PLPP6: variants seen among roughly 807,000 people sequenced by gnomAD.
PLPP6 encodes the protein polyisoprenoid diphosphate/phosphate phosphohydrolase PLPP6.
A neutral mutation model predicts 16.5 loss-of-function variants in PLPP6; 16 were observed. The ratio of observed to expected loss-of-function variants is 0.97; its 90% CI spans 0.66 to 1.47. The LOEUF is 1.47. PLPP6 is among the 40% of genes most tolerant of loss of function. The pLI is 0.00. For synonymous variants in PLPP6, 226 were observed against 188.1 expected (o/e 1.20, Z -1.65); for missense variants, 512 against 396.6 (o/e 1.29, Z -2.47).
In PLPP6 at chr9:4,662,564, C is replaced by T. The variant is rs747926946; in HGVS notation, c.189C>T (p.Ser63=). The change falls in exon 1 of 1, where the codon AGC becomes AGT. Residue 63 remains serine (S), a synonymous_variant. Coordinates refer to ENST00000381883, the MANE Select transcript of PLPP6 (RefSeq NM_203453.5). This position sits in a 1 kb window ranked among gnomAD's most constrained non-coding sequence, Gnocchi z 4.9. ...PTCARLRASE[S]PVHRRGSFPL... ...GCGCCCGGCTCCGTGCATCGGAGAG[C>T]CCAGTTCACCGCCGCGGCTCCTTCC... is the stretch of plus-strand genomic sequence containing the variant. 1.3e-6 allele frequency: 2 copies of T among 1,585,266 alleles called. No homozygotes were observed. Among genetic ancestry groups the T allele is most frequent in the Admixed American group, 1.7e-5 (1 of 58,246 alleles).
rs746503491 is a variant in PLPP6 at position 4,662,347 on chromosome 9, A to T, written c.-29A>T. ...CGGGAAGCCTCTGTTTGGTCCGGCCAGGTCCCGGGATCCGGGCCGCCAGCT... is the reference window on the plus strand; with the variant it reads ...CGGGAAGCCTCTGTTTGGTCCGGCCTGGTCCCGGGATCCGGGCCGCCAGCT... On this transcript the variant is annotated 5_prime_UTR_variant, in exon 1 of 1. Coordinates refer to ENST00000381883, the MANE Select transcript of PLPP6 (RefSeq NM_203453.5). This position sits in a 1 kb window ranked among gnomAD's most constrained non-coding sequence, Gnocchi z 4.9. 6.8e-7 allele frequency: 1 copy of T among 1,480,186 alleles called. No individual in the cohort carries two copies. The highest frequency in any genetic ancestry group is 8.9e-7 in the Non-Finnish European group (1 of 1,122,862). 91.7% of individuals were successfully genotyped at this position (1,480,186 alleles called of 1,614,324 possible).
At position 4,662,686 on chromosome 9, in the gene PLPP6, G is replaced by C. The variant is rs776198696; in HGVS notation, c.311G>C (p.Arg104Pro). ...CCGTCCTTCCTGGGCATCGCCCTGC[G>C]CTCCCTGCTGGCCATCGACCTGTGG... is the stretch of plus-strand genomic sequence containing the variant. ...LNPSFLGIAL[R>P]SLLAIDLWLS... The change falls in exon 1 of 1, where the codon CGC becomes CCC. Residue 104 changes from arginine to proline, a missense_variant. Coordinates refer to ENST00000381883, the MANE Select transcript of PLPP6 (RefSeq NM_203453.5). The surrounding 1 kb of genome is among the most constrained non-coding windows in gnomAD (Gnocchi z 4.9). 8 of 1,600,814 alleles carry C rather than the reference G, an allele frequency of 5.0e-6. No homozygotes were observed. Among genetic ancestry groups the C allele is most frequent in the Non-Finnish European group, 6.8e-6 (8 of 1,179,894 alleles).
In PLPP6 at chr9:4,662,681, C is replaced by T. The variant is rs1229775066; in HGVS notation, c.306C>T (p.Ala102=). ...MDLNPSFLGI[A]LRSLLAIDLW... is the part of the protein sequence containing the mutation. ...TGAACCCGTCCTTCCTGGGCATCGC[C>T]CTGCGCTCCCTGCTGGCCATCGACC... is the stretch of plus-strand genomic sequence containing the variant. The change falls in exon 1 of 1, where the codon GCC becomes GCT. Residue 102 remains alanine (A), a synonymous_variant. Coordinates refer to ENST00000381883, the MANE Select transcript of PLPP6 (RefSeq NM_203453.5). The surrounding 1 kb of genome is among the most constrained non-coding windows in gnomAD (Gnocchi z 4.9). 5 of 1,600,526 alleles carry T rather than the reference C, an allele frequency of 3.1e-6. No homozygotes were observed. The African/African-American group carries it at 5.3e-5, about 17-fold the overall frequency.
chr9:4,662,884 T>A lies in PLPP6; in HGVS notation c.509T>A (p.Leu170His). 6.2e-7 allele frequency: 1 copy of A among 1,606,864 alleles called. No individual in the cohort carries two copies. Among genetic ancestry groups the A allele is most frequent in the Non-Finnish European group, 8.5e-7 (1 of 1,179,946 alleles). ...WAGREVLMNL[L>H]FALLLDLLLV... ...GGGCGCGAGGTGCTGATGAACCTGCTCTTCGCCCTGCTGTTGGACCTGCTG... is the reference window on the plus strand; with the variant it reads ...GGGCGCGAGGTGCTGATGAACCTGCACTTCGCCCTGCTGTTGGACCTGCTG... The change falls in exon 1 of 1, where the codon CTC becomes CAC. Residue 170 changes from leucine to histidine, a missense_variant. Leu to His is a moderately conservative substitution (Grantham distance 99, BLOSUM62 -3). Coordinates refer to ENST00000381883, the MANE Select transcript of PLPP6 (RefSeq NM_203453.5). The surrounding 1 kb of genome is among the most constrained non-coding windows in gnomAD (Gnocchi z 4.9).
chr9:4,665,014 G>T lies in PLPP6; in HGVS notation c.*1751G>T, dbSNP rs1439812002. Reference sequence around the variant, plus strand: ...GAAGCAAATGATATTTCCTCTTGCAGTGTCCACAAATCTGAATATTAGGGG... The same window carrying T: ...GAAGCAAATGATATTTCCTCTTGCATTGTCCACAAATCTGAATATTAGGGG... On this transcript the variant is annotated 3_prime_UTR_variant, in exon 1 of 1. Coordinates refer to ENST00000381883, the MANE Select transcript of PLPP6 (RefSeq NM_203453.5). 1 of 167,102 alleles carries T rather than the reference G, an allele frequency of 6.0e-6. No individual in the cohort carries two copies. The highest frequency in any genetic ancestry group is 2.4e-5 in the African/African-American group (1 of 41,456). The allele number at this position is 167,102 out of a possible 1,614,324, so 10.4% of individuals were successfully genotyped here. A position where few individuals can be genotyped will look rare whatever the true frequency, so the allele number is the denominator to read the frequency against.
rs1027926899 is a variant in PLPP6, at chr9:4,663,336, G to C, written c.*73G>C. 1.7e-5 allele frequency: 25 copies of C among 1,483,176 alleles called. No individual in the cohort carries two copies. The highest frequency in any genetic ancestry group is 1.8e-6 in the Non-Finnish European group (2 of 1,083,206). The allele number at this position is 1,483,176 out of a possible 1,614,324, so 91.9% of individuals were successfully genotyped here. A position where few individuals can be genotyped will look rare whatever the true frequency, so the allele number is the denominator to read the frequency against. On this transcript the variant is annotated 3_prime_UTR_variant, in exon 1 of 1. Coordinates refer to ENST00000381883, the MANE Select transcript of PLPP6 (RefSeq NM_203453.5). ...TCGATGATGTCAACCTAAACCAGCA[G>C]CCATCCCGCTTGTCCCTCTTAGGCA...
chr9:4,664,712 C>T lies in PLPP6; in HGVS notation c.*1449C>T, dbSNP rs962594634. The T allele has an allele frequency of 1.8e-5, 3 of 167,044 alleles. No individual in the cohort carries two copies. The highest frequency in any genetic ancestry group is 7.2e-5 in the African/African-American group (3 of 41,416). The allele number at this position is 167,044 out of a possible 1,614,324, so 10.3% of individuals were successfully genotyped here. A position where few individuals can be genotyped will look rare whatever the true frequency, so the allele number is the denominator to read the frequency against. ...ATTTATAAATAGAAATGATTATGGA[C>T]TTTGATCTGCCATACGGAGGTTCGG... On this transcript the variant is annotated 3_prime_UTR_variant, in exon 1 of 1. Coordinates refer to ENST00000381883, the MANE Select transcript of PLPP6 (RefSeq NM_203453.5).
Position 4,663,045 on chromosome 9 carries a change from T to A in PLPP6, c.670T>A (p.Phe224Ile). The A allele has an allele frequency of 6.2e-7, 1 of 1,613,810 alleles. No individual in the cohort carries two copies. Among genetic ancestry groups the A allele is most frequent in the Non-Finnish European group, 8.5e-7 (1 of 1,179,922 alleles). The change falls in exon 1 of 1, where the codon TTC (phenylalanine) becomes ATC (isoleucine). Residue 224 changes from phenylalanine to isoleucine, a missense_variant. Transcript: ENST00000381883. Reference protein sequence around the residue: ...HATRAALMSRFILNHLVLAIP... With the variant: ...HATRAALMSRIILNHLVLAIP... ...CACAAGGGCCGCCCTGATGTCGAGG[T>A]TCATCCTGAACCACCTGGTGCTGGC...
chr9:4,662,336 T>A lies in PLPP6; in HGVS notation c.-40T>A. Reference sequence around the variant, plus strand: ...GGCTGCAGGGCCGGGAAGCCTCTGTTTGGTCCGGCCAGGTCCCGGGATCCG... The same window carrying A: ...GGCTGCAGGGCCGGGAAGCCTCTGTATGGTCCGGCCAGGTCCCGGGATCCG... On this transcript the variant is annotated 5_prime_UTR_variant, in exon 1 of 1. In the 5' UTR this introduces an upstream ATG that the reference lacks. Coordinates refer to ENST00000381883, the MANE Select transcript of PLPP6 (RefSeq NM_203453.5). The surrounding 1 kb of genome is among the most constrained non-coding windows in gnomAD (Gnocchi z 4.9). 6.8e-7 allele frequency: 1 copy of A among 1,464,144 alleles called. No individual in the cohort carries two copies. Among genetic ancestry groups the A allele is most frequent in the South Asian group, 1.4e-5 (1 of 72,552 alleles). The allele number at this position is 1,464,144 out of a possible 1,614,324, so 90.7% of individuals were successfully genotyped here.
rs903982805 is a variant in PLPP6, at chr9:4,664,127, G to A, written c.*864G>A. On this transcript the variant is annotated 3_prime_UTR_variant, in exon 1 of 1. Transcript: ENST00000381883. ...ACGTAACATGGCATGAGAGAGGGCAGAGAAACTAAGTTGCTGGGGAAAGTT... is the reference window on the plus strand; with the variant it reads ...ACGTAACATGGCATGAGAGAGGGCAAAGAAACTAAGTTGCTGGGGAAAGTT... 6 of 167,168 alleles carry A rather than the reference G, an allele frequency of 3.6e-5. No homozygotes were observed. Among genetic ancestry groups the A allele is most frequent in the African/African-American group, 1.4e-4 (6 of 41,468 alleles). 10.4% of individuals were successfully genotyped at this position (167,168 alleles called of 1,614,324 possible). A position where few individuals can be genotyped will look rare whatever the true frequency, so the allele number is the denominator to read the frequency against.
At position 4,663,692 on chromosome 9, in the gene PLPP6, T is replaced by A. The variant is rs1587582544; in HGVS notation, c.*429T>A. On this transcript the variant is annotated 3_prime_UTR_variant, in exon 1 of 1. Transcript: ENST00000381883. Reference sequence around the variant, plus strand: ...TAAATATACATGCAGACAGGTCATGTACTAATCCTAGTCCTTTTCCTGAGG... The same window carrying A: ...TAAATATACATGCAGACAGGTCATGAACTAATCCTAGTCCTTTTCCTGAGG... 1 of 176,478 alleles carries A rather than the reference T, an allele frequency of 5.7e-6. No homozygotes were observed. The highest frequency in any genetic ancestry group is 1.8e-4 in the East Asian group (1 of 5,700). The allele number at this position is 176,478 out of a possible 1,614,324, so 10.9% of individuals were successfully genotyped here.
At position 4,662,359 on chromosome 9, in the gene PLPP6, C is replaced by G; in HGVS notation, c.-17C>G. The G allele has an allele frequency of 6.7e-7, 1 of 1,489,330 alleles. No homozygotes were observed. The highest frequency in any genetic ancestry group is 8.9e-7 in the Non-Finnish European group (1 of 1,127,124). 92.3% of individuals were successfully genotyped at this position (1,489,330 alleles called of 1,614,324 possible). On this transcript the variant is annotated 5_prime_UTR_variant, in exon 1 of 1. In the 5' UTR this introduces an upstream ATG that the reference lacks. Coordinates refer to ENST00000381883, the MANE Select transcript of PLPP6 (RefSeq NM_203453.5). This position sits in a 1 kb window ranked among gnomAD's most constrained non-coding sequence, Gnocchi z 4.9. ...GTTTGGTCCGGCCAGGTCCCGGGAT[C>G]CGGGCCGCCAGCTGCGATGCCAAGT...
At position 4,662,985 on chromosome 9, in the gene PLPP6, T is replaced by G; in HGVS notation, c.610T>G (p.Ser204Ala). The G allele has an allele frequency of 6.2e-7, 1 of 1,612,960 alleles. No individual in the cohort carries two copies. ...HNQMDMFVTL[S>A]VDKYSFPSGH... ...CCAGATGGACATGTTTGTCACTCTC[T>G]CGGTGGACAAGTACTCCTTCCCCTC... Residue 204 changes from serine (S) to alanine (A), a missense_variant, in exon 1 of 1, where the codon TCG becomes GCG. Ser to Ala is a moderately conservative substitution (Grantham distance 99). Transcript: ENST00000381883. The surrounding 1 kb of genome is among the most constrained non-coding windows in gnomAD (Gnocchi z 4.9).
Position 4,662,794 on chromosome 9 carries a change from C to T in PLPP6, c.419C>T (p.Ser140Leu). The change falls in exon 1 of 1, where the codon TCG becomes TTG. Residue 140 changes from serine (S) to leucine (L), a missense_variant. By Grantham distance (145) the Ser-to-Leu change is moderately radical. Coordinates refer to ENST00000381883, the MANE Select transcript of PLPP6 (RefSeq NM_203453.5). The surrounding 1 kb of genome is among the most constrained non-coding windows in gnomAD (Gnocchi z 4.9). Reference sequence around the variant, plus strand: ...CCCCTTATGAAGCTGCTGGAGATCTCGGGACACGGCATCCCCTGGCTGCTG... The same window carrying T: ...CCCCTTATGAAGCTGCTGGAGATCTTGGGACACGGCATCCCCTGGCTGCTG... ...VRPLMKLLEI[S>L]GHGIPWLLGT... 1.2e-6 allele frequency: 2 copies of T among 1,605,130 alleles called. No homozygotes were observed. The highest frequency in any genetic ancestry group is 1.7e-6 in the Non-Finnish European group (2 of 1,179,930).
In PLPP6 at chr9:4,665,126, A is replaced by C. The variant is rs1032669004; in HGVS notation, c.*1863A>C. On this transcript the variant is annotated 3_prime_UTR_variant, in exon 1 of 1. Transcript: ENST00000381883. ...CTGAGGCCTGAGTTTTCTGGCTCTT[A>C]AAGCATAGATCATTTCACCTGATGT... 1.2e-5 allele frequency: 2 copies of C among 167,132 alleles called. No individual in the cohort carries two copies. The highest frequency in any genetic ancestry group is 4.8e-5 in the African/African-American group (2 of 41,464). 10.4% of individuals were successfully genotyped at this position (167,132 alleles called of 1,614,324 possible).
chr9:4,662,555 A>T lies in PLPP6; in HGVS notation c.180A>T (p.Ala60=). ...AVDPTCARLR[A]SESPVHRRGS... ...ACCCCACCTGCGCCCGGCTCCGTGC[A>T]TCGGAGAGCCCAGTTCACCGCCGCG... The change falls in exon 1 of 1, where the codon GCA becomes GCT. Residue 60 remains alanine (A), a synonymous_variant. Coordinates refer to ENST00000381883, the MANE Select transcript of PLPP6 (RefSeq NM_203453.5). This position sits in a 1 kb window ranked among gnomAD's most constrained non-coding sequence, Gnocchi z 4.9. 2 of 1,578,974 alleles carry T rather than the reference A, an allele frequency of 1.3e-6. No homozygotes were observed. The highest frequency in any genetic ancestry group is 1.7e-6 in the Non-Finnish European group (2 of 1,171,620).
chr9:4,662,364 C>A lies in PLPP6; in HGVS notation c.-12C>A, dbSNP rs766410645. On this transcript the variant is annotated 5_prime_UTR_variant, in exon 1 of 1. Coordinates refer to ENST00000381883, the MANE Select transcript of PLPP6 (RefSeq NM_203453.5). The surrounding 1 kb of genome is among the most constrained non-coding windows in gnomAD (Gnocchi z 4.9). The stretch of plus-strand genomic sequence containing the variant: ...GTCCGGCCAGGTCCCGGGATCCGGG[C>A]CGCCAGCTGCGATGCCAAGTCCCCG... The A allele has an allele frequency of 1.3e-6, 2 of 1,495,416 alleles. No individual in the cohort carries two copies. The highest frequency in any genetic ancestry group is 2.2e-5 in the Admixed American group (1 of 44,518). 92.6% of individuals were successfully genotyped at this position (1,495,416 alleles called of 1,614,324 possible).
chr9:4,663,454 T>A lies in PLPP6; in HGVS notation c.*191T>A. The A allele has an allele frequency of 1.6e-6, 1 of 621,370 alleles. No individual in the cohort carries two copies. The highest frequency in any genetic ancestry group is 2.8e-6 in the Non-Finnish European group (1 of 359,074). The allele number at this position is 621,370 out of a possible 1,614,324, so 38.5% of individuals were successfully genotyped here. On this transcript the variant is annotated 3_prime_UTR_variant, in exon 1 of 1. Transcript: ENST00000381883. ...TGGCCATTACTGAACACAGCCATAT[T>A]AGGGAAAGCAAAAAAACCCAAAAAA...
rs748309678 is a variant in PLPP6 at position 4,663,150 on chromosome 9, A to C, written c.775A>C (p.Thr259Pro). ...SRVMLGRHNV[T>P]DVAFGFFLGY... ...GGTCATGCTGGGGCGGCACAATGTC[A>C]CCGACGTAGCTTTTGGCTTTTTTCT... The change falls in exon 1 of 1, where the codon ACC becomes CCC. Residue 259 changes from threonine (T) to proline (P), a missense_variant. Coordinates refer to ENST00000381883, the MANE Select transcript of PLPP6 (RefSeq NM_203453.5). 1 of 1,613,800 alleles carries C rather than the reference A, an allele frequency of 6.2e-7. No individual in the cohort carries two copies. The highest frequency in any genetic ancestry group is 1.7e-5 in the Admixed American group (1 of 59,994).
Sources: gnomAD v4.1 joint callset for allele counts on GRCh38, gnomAD v4.1.1 for gene constraint, Gnocchi (gnomAD v3.1) non-coding constraint, MANE v1.5 for transcripts, NCBI Gene and HGNC (gene_info 2026-07-23, HGNC 2026-07-21) for gene names.